The following RNLS variants were observed in gnomAD, a reference collection of about 807,000 sequenced individuals.
RNLS encodes the protein renalase, FAD dependent amine oxidase, also known as renalase.
In RNLS, 39 loss-of-function variants were observed where a neutral mutation model predicts 39.8. The observed-to-expected ratio is 0.98, with a 90% CI of 0.76 to 1.28. RNLS has a LOEUF of 1.28. Among genes scored for constraint, RNLS ranks in the 50% most tolerant of loss-of-function variants. The pLI is 0.00. For synonymous variants in RNLS, 147 were observed against 150.7 expected (o/e 0.98, Z 0.18); for missense variants, 410 against 413.3 (o/e 0.99, Z 0.07).
chr10:88,481,636 ATATG>A (rs1564835601), intron 4 of RNLS, among the ~76,000 whole-genome samples: 2 of 152,152 alleles, frequency 1.3e-5, no homozygotes, highest in African/African-American at 2.4e-5. Context: ...TAAATTACAT[ATATG>A]TATGTAAACT....
At chr10:88,177,364 T>G in the RNLS span, among the ~76,000 whole-genome samples, 1 of 152,168 alleles carries the variant, frequency 6.6e-6, no homozygotes, top group Admixed American at 6.5e-5. Context: ...GCTCTTCTAC[T>G]GTTGAAATGC....
intron 5 of RNLS, among the ~76,000 whole-genome samples, chr10:88,332,268 C>G (rs1451717514): frequency 1.3e-5 from 2 of 152,238 alleles, no homozygotes; most frequent in Non-Finnish European, 1.5e-5. Context: ...ACGGCAGGGA[C>G]TTTTGTAGTA....
At chr10:88,330,672 T>G (rs1341087710) in intron 5 of RNLS, among the ~76,000 whole-genome samples, 1 of 152,106 alleles carries the variant, frequency 6.6e-6, no homozygotes, top group Admixed American at 6.5e-5. Flanking sequence ...CTTGATCAAG[T>G]TGAAATATTT....
Position 88,572,899 on chromosome 10 carries a change from T to G in RNLS, c.526+4A>C, listed in dbSNP as rs777314952. The stretch of plus-strand genomic sequence containing the variant: ...AGGCAGGTAAATGGCAAAAGCAGAC[T>G]CACAGGTGGTGATGTCACCTTGAAG... On this transcript the variant is annotated splice_donor_region_variant and intron_variant, in intron 4 of 6. Coordinates refer to ENST00000331772, the MANE Select transcript of RNLS (RefSeq NM_001031709.3). The G allele has an allele frequency of 3.1e-6, 5 of 1,612,584 alleles. No individual in the cohort carries two copies. The African/African-American group carries it at 6.7e-5, about 22-fold the overall frequency.
In RNLS at chr10:88,575,124, G is replaced by GTATATATA. The variant is rs1174268534; in HGVS notation, c.368-2071_368-2064dup. On this transcript the variant is annotated intron_variant, in intron 3 of 6. Transcript: ENST00000331772. ...CAATGGCCACAAGGTGTTCTGCAAA[G>GTATATATA]TATATATATATATATATATATATAT... Among the ~76,000 whole-genome samples the GTATATATA allele has an allele frequency of 1.3e-3, 131 of 98,882 alleles. 1 individual carries two copies. The highest frequency in any genetic ancestry group is 7.2e-3 in the South Asian group (20 of 2,782). 64.9% of individuals were successfully genotyped at this position (98,882 alleles called of 152,430 possible). A position where few individuals can be genotyped will look rare whatever the true frequency, so the allele number is the denominator to read the frequency against.
chr10:88,316,925 A>C (rs114861481), intron 5 of RNLS, among the ~76,000 whole-genome samples: 1,868 of 152,282 alleles, frequency 0.012, 51 homozygotes, highest in African/African-American at 0.043. Context: ...TAAAGTCTAA[A>C]AATACAAAGA....
chr10:88,304,580 G>A (rs1844784637), intron 6 of RNLS, among the ~76,000 whole-genome samples: 2 of 152,176 alleles, frequency 1.3e-5, no homozygotes, highest in African/African-American at 4.8e-5. Flanking sequence ...ACCAAGTGGA[G>A]GAAAGAATCT....
intron 4 of RNLS, among the ~76,000 whole-genome samples, chr10:88,547,230 T>C (rs893829537): frequency 1.3e-5 from 2 of 152,208 alleles, no homozygotes; most frequent in African/African-American, 4.8e-5. Flanking sequence ...TGATTCATGA[T>C]AGCACTAACC....
At chr10:88,377,733 G>C (rs1462818008) in intron 4 of RNLS, among the ~76,000 whole-genome samples, 1 of 152,114 alleles carries the variant, frequency 6.6e-6, no homozygotes, top group African/African-American at 2.4e-5. Flanking sequence ...GAATGTGAAG[G>C]CCTAGGACAT....
intron 4 of RNLS, among the ~76,000 whole-genome samples, chr10:88,369,858 G>A (rs1243653879): frequency 1.3e-5 from 2 of 152,088 alleles, no homozygotes; most frequent in Non-Finnish European, 2.9e-5. Flanking sequence ...TTGCGGGTGT[G>A]TATTTTTAGC....
chr10:88,548,489 A>C (rs1848448744), intron 4 of RNLS, among the ~76,000 whole-genome samples: 2 of 148,130 alleles, frequency 1.4e-5, no homozygotes, highest in African/African-American at 4.9e-5. Context: ...AAATACAAAA[A>C]TTAGCCAGGC....
Position 88,514,318 on chromosome 10 carries a change from T to A in RNLS, c.526+58585A>T, listed in dbSNP as rs147625604. 3.0e-3 allele frequency among the ~76,000 whole-genome samples: 450 copies of A among 152,012 alleles called. 2 individuals are homozygous for A. Among genetic ancestry groups the A allele is most frequent in the Middle Eastern group, 0.024 (7 of 294 alleles). ...CTCACTCACTATCACAAGAACAGCA[T>A]GGGGGAAACCACCCCCATGATCCAA... On this transcript the variant is annotated intron_variant, in intron 4 of 6. Transcript: ENST00000331772.
At chr10:88,465,401 A>G (rs1030243363) in intron 4 of RNLS, among the ~76,000 whole-genome samples, 1 of 152,118 alleles carries the variant, frequency 6.6e-6, no homozygotes, top group African/African-American at 2.4e-5. Flanking sequence ...AATAAGATAT[A>G]TAGTCTCTGA....
chr10:88,499,945 C>T (rs2134102026), intron 4 of RNLS, among the ~76,000 whole-genome samples: 1 of 152,214 alleles, frequency 6.6e-6, no homozygotes, highest in Middle Eastern at 3.4e-3. Context: ...TTTGCATATA[C>T]TTATAAGCTA....
intron 4 of RNLS, among the ~76,000 whole-genome samples, chr10:88,528,973 C>T (rs539095690): frequency 6.6e-6 from 1 of 152,024 alleles, no homozygotes; most frequent in African/African-American, 2.4e-5. Flanking sequence ...GTTGTGCCAA[C>T]AATTTGGCTA....
chr10:88,284,527 T>A lies in RNLS; in HGVS notation c.*827A>T. The A allele has an allele frequency of 1.0e-6, 1 of 985,370 alleles. No homozygotes were observed. Among genetic ancestry groups the A allele is most frequent in the Non-Finnish European group, 1.2e-6 (1 of 829,910 alleles). 61.0% of individuals were successfully genotyped at this position (985,370 alleles called of 1,614,324 possible). ...CATCTATTTTCTGGTTCAGTAAATT[T>A]TTTGTTGTGTTAAATTCATTAAACT... is the stretch of plus-strand genomic sequence containing the variant. On this transcript the variant is annotated 3_prime_UTR_variant, in exon 7 of 7. Transcript: ENST00000331772.
At chr10:88,503,364 A>T (rs1014061644) in intron 4 of RNLS, among the ~76,000 whole-genome samples, 10 of 152,184 alleles carry the variant, frequency 6.6e-5, no homozygotes, top group African/African-American at 2.4e-4. Context: ...CTGGGCAATG[A>T]AGTGAAACTG....
intron 6 of RNLS, among the ~76,000 whole-genome samples, chr10:88,304,594 C>T (rs750803479): frequency 2.2e-4 from 34 of 151,934 alleles, no homozygotes; most frequent in African/African-American, 3.4e-4. Flanking sequence ...AGAATCTCGG[C>T]GCTTAAAGAC....
chr10:88,528,966 GT>G (rs2134232324), intron 4 of RNLS, among the ~76,000 whole-genome samples: 1 of 151,872 alleles, frequency 6.6e-6, no homozygotes, highest in South Asian at 2.1e-4. Flanking sequence ...GTTTTTAGTT[GT>G]GCCAACAATT....
Sources: gnomAD v4.1 joint callset for allele counts (sites outside exome capture counted in the v4.1 genomes callset) on GRCh38, gnomAD v4.1.1 for gene constraint, MANE v1.5 for transcripts, NCBI Gene and HGNC (gene_info 2026-07-23, HGNC 2026-07-21) for gene names.